ST8SIA5: variants seen among roughly 807,000 people sequenced by gnomAD.
ST8SIA5 encodes ST8 alpha-N-acetyl-neuraminide alpha-2,8-sialyltransferase 5.
In ST8SIA5, 24 loss-of-function variants were observed where a neutral mutation model predicts 40.2. The observed-to-expected ratio is 0.60, with a 90% CI of 0.43 to 0.84. ST8SIA5 has a LOEUF of 0.84. Ranked by LOEUF, ST8SIA5 falls within the 40% of genes least tolerant of loss-of-function variation. The probability of loss-of-function intolerance (pLI) is 0.00; values close to 1 mark genes in which losing one functional copy is unlikely to be tolerated. For synonymous variants in ST8SIA5, 198 were observed against 201.8 expected (o/e 0.98, Z 0.16); for missense variants, 465 against 498.5 (o/e 0.93, Z 0.64).
intron 2 of ST8SIA5, among the ~76,000 whole-genome samples, chr18:46,700,776 G>A (rs1851244349): frequency 6.6e-6 from 1 of 152,194 alleles, no homozygotes; most frequent in Admixed American, 6.5e-5. Flanking sequence ...GCAGAGATGA[G>A]AACCAAAGCC....
rs185431304 is a variant in ST8SIA5 at position 46,734,215 on chromosome 18, C to T, written c.131+22163G>A. Among the ~76,000 whole-genome samples the T allele has an allele frequency of 2.2e-3, 337 of 152,280 alleles. 2 individuals carry two copies. The highest frequency in any genetic ancestry group is 3.6e-3 in the Non-Finnish European group (242 of 68,022). Reference sequence around the variant, plus strand: ...TGCTCCTGACTCACTCTGTGACTTACGTTACTTTCCTACGAAGCTCCAGAG... The same window carrying T: ...TGCTCCTGACTCACTCTGTGACTTATGTTACTTTCCTACGAAGCTCCAGAG... On this transcript the variant is annotated intron_variant, in intron 1 of 6. Transcript: ENST00000315087.
At chr18:46,736,159 T>G (rs773866216) in intron 1 of ST8SIA5, among the ~76,000 whole-genome samples, 1 of 152,232 alleles carries the variant, frequency 6.6e-6, no homozygotes, top group East Asian at 1.9e-4. Context: ...GTCACATCCC[T>G]TTTTTGTATT....
intron 5 of ST8SIA5, 96 bp from the exon 6 acceptor site, chr18:46,682,160 C>G (rs1015735803): frequency 5.2e-6 from 5 of 966,336 alleles, no homozygotes; most frequent in Non-Finnish European, 7.5e-6. Context: ...ATCATGTGGG[C>G]AGAGGGATGC....
chr18:46,751,102 C>G lies in ST8SIA5; in HGVS notation c.131+5276G>C, dbSNP rs192930933. 9.2e-5 allele frequency among the ~76,000 whole-genome samples: 14 copies of G among 152,306 alleles called. No homozygotes were observed. In the East Asian group the frequency reaches 2.3e-3, roughly 25 times the overall value. Reference sequence around the variant, plus strand: ...TCCAATACTTTCTCATCTTTCCAAACTGAAACTCCATACCCATTAAAAGAT... The same window carrying G: ...TCCAATACTTTCTCATCTTTCCAAAGTGAAACTCCATACCCATTAAAAGAT... On this transcript the variant is annotated intron_variant, in intron 1 of 6. Transcript: ENST00000315087.
chr18:46,720,937 G>A (rs573284217), intron 1 of ST8SIA5, among the ~76,000 whole-genome samples: 3 of 152,246 alleles, frequency 2.0e-5, no homozygotes, highest in Non-Finnish European at 4.4e-5. Flanking sequence ...GGCAGGGCAG[G>A]GAGTACCTGG....
chr18:46,702,408 G>A (rs1038917768), intron 2 of ST8SIA5, among the ~76,000 whole-genome samples: 1 of 152,114 alleles, frequency 6.6e-6, no homozygotes, highest in Non-Finnish European at 1.5e-5. Flanking sequence ...CATTCCCGTG[G>A]CTCTCATGGC....
At chr18:46,686,834 T>TA (rs2039453679) in intron 4 of ST8SIA5, among the ~76,000 whole-genome samples, 2 of 115,542 alleles carry the variant, frequency 1.7e-5, no homozygotes, top group South Asian at 5.3e-4. Flanking sequence ...AAAAAAAAAA[T>TA]AGTCATTTTC....
intron 1 of ST8SIA5, among the ~76,000 whole-genome samples, chr18:46,730,975 C>A (rs1423788572): frequency 6.6e-6 from 1 of 152,142 alleles, no homozygotes; most frequent in Admixed American, 6.5e-5. Context: ...AGCAACAACA[C>A]CCTGCGTCTA....
In ST8SIA5 at chr18:46,726,939, C is replaced by A. The variant is rs192394439; in HGVS notation, c.132-22275G>T. 7.0e-4 allele frequency among the ~76,000 whole-genome samples: 106 copies of A among 152,184 alleles called. 2 individuals are homozygous for A. In the South Asian group the frequency reaches 0.014, roughly 20 times the overall value. Reference sequence around the variant, plus strand: ...AAAACAAACAAACAAACAACAACAACAAAAAACAAGTGCTTAACTGTGCTA... The same window carrying A: ...AAAACAAACAAACAAACAACAACAAAAAAAAACAAGTGCTTAACTGTGCTA... On this transcript the variant is annotated intron_variant, in intron 1 of 6. Transcript: ENST00000315087.
At chr18:46,687,806 C>T (rs2039462484) in intron 4 of ST8SIA5, among the ~76,000 whole-genome samples, 1 of 152,224 alleles carries the variant, frequency 6.6e-6, no homozygotes, top group Admixed American at 6.5e-5. Flanking sequence ...TGCCCCCACT[C>T]AGAATTTCTA....
Position 46,671,758 on chromosome 18 carries a change from G to A in ST8SIA5, c.*8284C>T, listed in dbSNP as rs555803444. 1 of 152,186 alleles carries A rather than the reference G, an allele frequency of 6.6e-6. No individual in the cohort carries two copies. Among genetic ancestry groups the A allele is most frequent in the South Asian group, 2.1e-4 (1 of 4,814 alleles). 9.4% of individuals were successfully genotyped at this position (152,186 alleles called of 1,614,324 possible). A position where few individuals can be genotyped will look rare whatever the true frequency, so the allele number is the denominator to read the frequency against. ...AATATGTCATAATATTTATCTGAATGCTAAAATGTTCAGAAAAAGAAAAGC... is the reference window on the plus strand; with the variant it reads ...AATATGTCATAATATTTATCTGAATACTAAAATGTTCAGAAAAAGAAAAGC... On this transcript the variant is annotated 3_prime_UTR_variant, in exon 7 of 7. Transcript: ENST00000315087.
chr18:46,704,129 T>C (rs1352716441), intron 2 of ST8SIA5, among the ~76,000 whole-genome samples: 1 of 152,190 alleles, frequency 6.6e-6, no homozygotes, highest in Non-Finnish European at 1.5e-5. Context: ...AAATTTTGTA[T>C]CACCTAAATA....
At chr18:46,694,636 A>G (rs1361498145) in intron 2 of ST8SIA5, among the ~76,000 whole-genome samples, 1 of 152,130 alleles carries the variant, frequency 6.6e-6, no homozygotes, top group Non-Finnish European at 1.5e-5. Flanking sequence ...ATAAATGGGA[A>G]AGTGACCAGC....
chr18:46,689,520 T>G (rs1449969581), intron 3 of ST8SIA5, among the ~76,000 whole-genome samples: 1 of 152,018 alleles, frequency 6.6e-6, no homozygotes, highest in African/African-American at 2.4e-5. Flanking sequence ...CTTCTACCTC[T>G]AATCCTCTGT....
Position 46,692,430 on chromosome 18 carries a change from G to A in ST8SIA5, c.225-175C>T, listed in dbSNP as rs372124218. Reference sequence around the variant, plus strand: ...GTTTCTTTTTTTTTTTTAAGACAGGGCCTCACACCGATGTACAGGCTGGAG... The same window carrying A: ...GTTTCTTTTTTTTTTTTAAGACAGGACCTCACACCGATGTACAGGCTGGAG... On this transcript the variant is annotated intron_variant, in intron 2 of 6. Transcript: ENST00000315087. Among the ~76,000 whole-genome samples, 82 of 151,448 alleles carry A rather than the reference G, an allele frequency of 5.4e-4. 1 individual carries two copies. The South Asian group carries it at 8.2e-3, about 15-fold the overall frequency.
chr18:46,707,390 C>T (rs1326330369), intron 1 of ST8SIA5, among the ~76,000 whole-genome samples: 1 of 152,160 alleles, frequency 6.6e-6, no homozygotes, highest in East Asian at 1.9e-4. Flanking sequence ...CTTTTTTCTC[C>T]TCTTTAAAAC....
At chr18:46,690,949 G>A (rs1160309022) in intron 3 of ST8SIA5, among the ~76,000 whole-genome samples, 1 of 152,168 alleles carries the variant, frequency 6.6e-6, no homozygotes, top group Non-Finnish European at 1.5e-5. Flanking sequence ...CCTAAGTCTG[G>A]ACAACAGGCT....
At chr18:46,686,631 C>A (rs2144469746) in intron 4 of ST8SIA5, among the ~76,000 whole-genome samples, 1 of 152,218 alleles carries the variant, frequency 6.6e-6, no homozygotes, top group South Asian at 2.1e-4. Context: ...TCATGGAGAG[C>A]CATGCTGCCC....
At chr18:46,755,830 G>C (rs1029416433) in intron 1 of ST8SIA5, among the ~76,000 whole-genome samples, 2 of 152,152 alleles carry the variant, frequency 1.3e-5, no homozygotes, top group Non-Finnish European at 2.9e-5. Context: ...CTGTGGGATT[G>C]TAAGACTTCA....
Sources: gnomAD v4.1 joint callset for allele counts (sites outside exome capture counted in the v4.1 genomes callset) on GRCh38, gnomAD v4.1.1 for gene constraint, MANE v1.5 for transcripts, NCBI Gene and HGNC (gene_info 2026-07-23, HGNC 2026-07-21) for gene names.